BCKDHB: variants seen among roughly 807,000 people sequenced by gnomAD.
BCKDHB encodes 2-oxoisovalerate dehydrogenase subunit beta, mitochondrial.
Under a neutral mutation model 48.5 loss-of-function variants are expected in BCKDHB, and 41 were observed. That is an observed-to-expected ratio of 0.85 (90% confidence interval 0.66 to 1.10). The LOEUF (loss-of-function observed/expected upper bound fraction) is 1.10, where lower values mean the gene tolerates loss of function less well. BCKDHB is among the 50% of genes least tolerant of loss of function. The pLI is 0.00. For synonymous variants in BCKDHB, 201 were observed against 174.8 expected (o/e 1.15, Z -1.18); for missense variants, 496 against 494.2 (o/e 1.00, Z -0.03).
At chr6:80,111,847 A>G (rs1245662424) in intron 1 of BCKDHB, among the ~76,000 whole-genome samples, 1 of 152,182 alleles carries the variant, frequency 6.6e-6, no homozygotes, top group Non-Finnish European at 1.5e-5. Flanking sequence ...AATTTTTCCT[A>G]CTTAGTCTAC....
intron 8 of BCKDHB, among the ~76,000 whole-genome samples, chr6:80,204,191 T>C (rs928963696): frequency 6.6e-6 from 1 of 152,134 alleles, no homozygotes; most frequent in African/African-American, 2.4e-5. Flanking sequence ...GAAAATAACC[T>C]GCAGATACTA....
At chr6:80,303,807 G>A (rs1391013966) in intron 9 of BCKDHB, among the ~76,000 whole-genome samples, 3 of 151,952 alleles carry the variant, frequency 2.0e-5, no homozygotes, top group Non-Finnish European at 4.4e-5. Context: ...CCTCTCCTTT[G>A]AAAGAATGGA....
chr6:80,273,963 A>T (rs955681362), intron 9 of BCKDHB, among the ~76,000 whole-genome samples: 1 of 152,050 alleles, frequency 6.6e-6, no homozygotes, highest in African/African-American at 2.4e-5. Flanking sequence ...TGGAAGGTGC[A>T]TGTCTTTTAA....
Position 80,168,930 on chromosome 6 carries a change from G to C in BCKDHB, c.533G>C (p.Gly178Ala). The change falls in exon 5 of 10, where the codon GGA becomes GCA. Residue 178 changes from glycine (G) to alanine (A), a missense_variant. Gly to Ala is a moderately conservative substitution (Grantham distance 60). Transcript: ENST00000320393. ...CGCTCTGGGGATCTTTTTAACTGTG[G>C]AAGCCTCACTATCCGGTCCCCTTGG... The part of the protein sequence containing the change: ...RYRSGDLFNC[G>A]SLTIRSPWGC... 6.2e-7 allele frequency: 1 copy of C among 1,614,158 alleles called. No homozygotes were observed. Among genetic ancestry groups the C allele is most frequent in the Non-Finnish European group, 8.5e-7 (1 of 1,180,006 alleles).
intron 3 of BCKDHB, among the ~76,000 whole-genome samples, chr6:80,160,954 C>T (rs1364939828): frequency 2.6e-5 from 4 of 152,118 alleles, no homozygotes; most frequent in Non-Finnish European, 4.4e-5. Flanking sequence ...TCATTTTATT[C>T]AGCTATCTGA....
the BCKDHB span, among the ~76,000 whole-genome samples, chr6:80,416,341 T>C: frequency 6.6e-6 from 1 of 151,972 alleles, no homozygotes; most frequent in East Asian, 1.9e-4. Flanking sequence ...TATTTGCTCT[T>C]GGTTTTTTAG....
chr6:80,377,360 A>G, the BCKDHB span, among the ~76,000 whole-genome samples: 1 of 151,990 alleles, frequency 6.6e-6, no homozygotes, highest in African/African-American at 2.4e-5. Flanking sequence ...ATGAAGTCCA[A>G]TTTATCTAAT....
At chr6:80,243,080 C>A (rs989252314) in intron 8 of BCKDHB, among the ~76,000 whole-genome samples, 1 of 152,162 alleles carries the variant, frequency 6.6e-6, no homozygotes, top group East Asian at 1.9e-4. Context: ...CACAGACTAA[C>A]TGGACAGTAT....
At chr6:80,423,911 A>G in the BCKDHB span, among the ~76,000 whole-genome samples, 57 of 152,352 alleles carry the variant, frequency 3.7e-4, no homozygotes, top group African/African-American at 1.3e-3. Flanking sequence ...GGAGTTGGGC[A>G]AAGTATACTC....
chr6:80,146,234 C>T (rs1444513840), intron 3 of BCKDHB, among the ~76,000 whole-genome samples: 1 of 152,044 alleles, frequency 6.6e-6, no homozygotes, highest in Non-Finnish European at 1.5e-5. Context: ...GATGTGGTCC[C>T]TGCCTTTAAG....
At chr6:80,427,299 C>T in the BCKDHB span, among the ~76,000 whole-genome samples, 1 of 151,922 alleles carries the variant, frequency 6.6e-6, no homozygotes, top group Non-Finnish European at 1.5e-5. Context: ...ATTCAACTTA[C>T]TCTAGTCTAT....
At chr6:80,182,209 A>G (rs774837611) in intron 6 of BCKDHB, among the ~76,000 whole-genome samples, 3 of 152,194 alleles carry the variant, frequency 2.0e-5, no homozygotes, top group Non-Finnish European at 4.4e-5. Context: ...TGTGATGAGA[A>G]GGCCCTGACT....
chr6:80,222,584 T>C (rs1775506896), intron 8 of BCKDHB, among the ~76,000 whole-genome samples: 1 of 152,350 alleles, frequency 6.6e-6, no homozygotes, highest in Non-Finnish European at 1.5e-5. Flanking sequence ...GAGCTGTTCC[T>C]GATCTTTTTT....
chr6:80,245,576 A>T (rs1392468139), intron 8 of BCKDHB, among the ~76,000 whole-genome samples: 3 of 152,168 alleles, frequency 2.0e-5, no homozygotes, highest in Non-Finnish European at 4.4e-5. Flanking sequence ...CAGTCACAGC[A>T]TCTAGTTGAG....
intron 9 of BCKDHB, among the ~76,000 whole-genome samples, chr6:80,322,157 A>G (rs1458287926): frequency 1.3e-5 from 2 of 152,090 alleles, no homozygotes; most frequent in African/African-American, 2.4e-5. Flanking sequence ...TCTTTACTGT[A>G]ATGGTACCAT....
intron 6 of BCKDHB, among the ~76,000 whole-genome samples, chr6:80,193,939 G>A (rs1774020106): frequency 6.6e-6 from 1 of 152,110 alleles, no homozygotes; most frequent in African/African-American, 2.4e-5. Context: ...AGATAAGGAG[G>A]TCATAAATAG....
At chr6:80,206,577 G>C (rs1774673504) in intron 8 of BCKDHB, among the ~76,000 whole-genome samples, 1 of 150,746 alleles carries the variant, frequency 6.6e-6, no homozygotes, top group Non-Finnish European at 1.5e-5. Context: ...GTACATGTAT[G>C]TATATGGATC....
chr6:80,312,639 AG>A (rs1285903726), intron 9 of BCKDHB, among the ~76,000 whole-genome samples: 1 of 152,152 alleles, frequency 6.6e-6, no homozygotes, highest in Admixed American at 6.5e-5. Context: ...TTTAACATGA[AG>A]GGATGTTGAA....
At chr6:80,147,862 T>A (rs982151387) in intron 3 of BCKDHB, among the ~76,000 whole-genome samples, 2 of 151,958 alleles carry the variant, frequency 1.3e-5, no homozygotes, top group Non-Finnish European at 2.9e-5. Flanking sequence ...AAGGGATAGG[T>A]GATGAGGCAT....
Sources: allele counts gnomAD v4.1 joint callset (sites outside exome capture counted in the v4.1 genomes callset), GRCh38; gene constraint gnomAD v4.1.1; transcripts MANE v1.5; gene names NCBI Gene and HGNC (gene_info 2026-07-23, HGNC 2026-07-21).